The following ZBTB7C variants were observed in gnomAD, a reference collection of about 807,000 sequenced individuals.
The protein encoded by ZBTB7C is zinc finger and BTB domain containing 7C, also known as zinc finger and BTB domain-containing protein 7C.
Under a neutral mutation model 25.7 loss-of-function variants are expected in ZBTB7C, and 8 were observed. The ratio of observed to expected loss-of-function variants is 0.31; its 90% confidence interval spans 0.18 to 0.56. The LOEUF (loss-of-function observed/expected upper bound fraction) is 0.56, where lower values mean the gene tolerates loss of function less well. ZBTB7C is among the 20% of genes least tolerant of loss of function. ZBTB7C has a pLI of 0.91. For synonymous variants in ZBTB7C, 394 were observed against 369.0 expected (o/e 1.07, Z -0.78); for missense variants, 824 against 855.2 (o/e 0.96, Z 0.46).
intron 1 of ZBTB7C, among the ~76,000 whole-genome samples, chr18:48,345,829 C>T (rs1302057842): frequency 6.6e-6 from 1 of 152,238 alleles, no homozygotes; most frequent in Non-Finnish European, 1.5e-5. Context: ...AGCTCTGCTG[C>T]CATCTGGCTG....
At chr18:48,238,523 T>C (rs2043439222) in intron 2 of ZBTB7C, among the ~76,000 whole-genome samples, 2 of 152,070 alleles carry the variant, frequency 1.3e-5, no homozygotes, top group African/African-American at 2.4e-5. Flanking sequence ...AACCTGAAAA[T>C]CCAGATCATG....
intron 3 of ZBTB7C, among the ~76,000 whole-genome samples, chr18:48,146,848 C>G (rs7229213): frequency 0.19 from 28,750 of 152,186 alleles, 3,389 homozygotes; most frequent in African/African-American, 0.32. Context: ...TTTAAAACAC[C>G]ATGTGCCACA....
intron 2 of ZBTB7C, among the ~76,000 whole-genome samples, chr18:48,239,821 A>T (rs905993020): frequency 1.3e-5 from 2 of 152,212 alleles, no homozygotes; most frequent in Non-Finnish European, 2.9e-5. Flanking sequence ...TAACATCCCC[A>T]AAATATCACA....
At chr18:48,206,104 A>C (rs1295695151) in intron 2 of ZBTB7C, among the ~76,000 whole-genome samples, 1 of 152,216 alleles carries the variant, frequency 6.6e-6, no homozygotes, top group Non-Finnish European at 1.5e-5. Context: ...TGATTCCAAA[A>C]GTATATGGAA....
chr18:48,199,493 C>T (rs1427900674), intron 2 of ZBTB7C, among the ~76,000 whole-genome samples: 1 of 152,186 alleles, frequency 6.6e-6, no homozygotes, highest in East Asian at 1.9e-4. Context: ...ACCTTCCATT[C>T]TCACTTTATG....
At chr18:48,325,069 G>A (rs1204207980) in intron 2 of ZBTB7C, among the ~76,000 whole-genome samples, 1 of 152,180 alleles carries the variant, frequency 6.6e-6, no homozygotes, top group Non-Finnish European at 1.5e-5. Flanking sequence ...GAGTTTGAAA[G>A]GTGCTGTGCA....
At chr18:48,258,159 T>C (rs2044072834) in intron 2 of ZBTB7C, among the ~76,000 whole-genome samples, 1 of 152,246 alleles carries the variant, frequency 6.6e-6, no homozygotes, top group Admixed American at 6.5e-5. Context: ...GTTTTTCTTC[T>C]AAGATCAGAA....
At chr18:48,129,612 C>G (rs1024601905) in intron 3 of ZBTB7C, among the ~76,000 whole-genome samples, 1 of 152,142 alleles carries the variant, frequency 6.6e-6, no homozygotes, top group Non-Finnish European at 1.5e-5. Flanking sequence ...TCAAAACACC[C>G]CAAAGCAGTG....
intron 3 of ZBTB7C, among the ~76,000 whole-genome samples, chr18:48,116,654 TG>T (rs1048179133): frequency 6.6e-6 from 1 of 152,054 alleles, no homozygotes; most frequent in Non-Finnish European, 1.5e-5. Flanking sequence ...GCCAACTGCT[TG>T]GGGGGCCTCC....
At chr18:48,204,121 C>T (rs2042522140) in intron 2 of ZBTB7C, among the ~76,000 whole-genome samples, 2 of 152,228 alleles carry the variant, frequency 1.3e-5, no homozygotes, top group Admixed American at 1.3e-4. Context: ...TGCATTCCTT[C>T]CACCTCTGAT....
chr18:48,354,893 C>G (rs1375084889), intron 1 of ZBTB7C, among the ~76,000 whole-genome samples: 1 of 152,198 alleles, frequency 6.6e-6, no homozygotes, highest in Non-Finnish European at 1.5e-5. Flanking sequence ...CCCCTCAGCT[C>G]CAGGCCTCCT....
chr18:48,199,266 C>G (rs1599086349), intron 2 of ZBTB7C, among the ~76,000 whole-genome samples: 1 of 152,170 alleles, frequency 6.6e-6, no homozygotes, highest in South Asian at 2.1e-4. Flanking sequence ...TTCTCTGATA[C>G]TTTCCTCTCC....
At chr18:48,382,829 T>TA (rs1181188761) in intron 1 of ZBTB7C, among the ~76,000 whole-genome samples, 1 of 152,238 alleles carries the variant, frequency 6.6e-6, no homozygotes, top group Non-Finnish European at 1.5e-5. Flanking sequence ...AGCTTAGAAG[T>TA]AAAAAACTAC....
chr18:48,133,108 G>A (rs151158679), intron 3 of ZBTB7C, among the ~76,000 whole-genome samples: 2 of 152,232 alleles, frequency 1.3e-5, no homozygotes, highest in Non-Finnish European at 2.9e-5. Context: ...TTGCTCCGGG[G>A]TTCCTGGCCT....
chr18:48,239,388 C>T (rs1021833995), intron 2 of ZBTB7C, among the ~76,000 whole-genome samples: 1 of 152,182 alleles, frequency 6.6e-6, no homozygotes, highest in Non-Finnish European at 1.5e-5. Context: ...AGAGGCCAAC[C>T]AACTGCTAGC....
Position 48,156,886 on chromosome 18 carries a change from T to C in ZBTB7C, c.-17+29048A>G, listed in dbSNP as rs79955422. 9.2e-3 allele frequency among the ~76,000 whole-genome samples: 1,406 copies of C among 152,028 alleles called. 25 individuals carry two copies. The highest frequency in any genetic ancestry group is 0.032 in the African/African-American group (1,327 of 41,438). On this transcript the variant is annotated intron_variant, in intron 3 of 4. Coordinates refer to ENST00000590800, the MANE Select transcript of ZBTB7C (RefSeq NM_001318841.2). ...AGAGAGGAGAGACCAGGATTGGGGA[T>C]GGAGAGTGGACCCCATTAGGGGTCT...
Position 48,225,979 on chromosome 18 carries a change from G to A in ZBTB7C, c.-78-39984C>T, listed in dbSNP as rs575738612. ...GATGGTCTCGATCGCTTGACCTCGC[G>A]ATCCACCCGCTTTGGCGTCCCAAAG... On this transcript the variant is annotated intron_variant, in intron 2 of 4. Coordinates refer to ENST00000590800, the MANE Select transcript of ZBTB7C (RefSeq NM_001318841.2). 4.2e-4 allele frequency among the ~76,000 whole-genome samples: 64 copies of A among 152,312 alleles called. 1 individual carries two copies. Among genetic ancestry groups the A allele is most frequent in the Middle Eastern group, 3.4e-3 (1 of 294 alleles).
At chr18:48,249,218 G>C (rs1437900628) in intron 2 of ZBTB7C, among the ~76,000 whole-genome samples, 1 of 152,172 alleles carries the variant, frequency 6.6e-6, no homozygotes, top group African/African-American at 2.4e-5. Context: ...TAGAGAAAGA[G>C]CCATATACAT....
chr18:48,069,961 G>C (rs1225980256), intron 3 of ZBTB7C, among the ~76,000 whole-genome samples: 1 of 152,102 alleles, frequency 6.6e-6, no homozygotes, highest in Non-Finnish European at 1.5e-5. Context: ...GCTGTCCATG[G>C]GGCCTGGTAA....
Sources: allele counts gnomAD v4.1 joint callset (sites outside exome capture counted in the v4.1 genomes callset), GRCh38; gene constraint gnomAD v4.1.1; transcripts MANE v1.5; gene names NCBI Gene and HGNC (gene_info 2026-07-23, HGNC 2026-07-21).